Variants in FOXP1 observed in about 807,000 individuals in gnomAD.
The protein encoded by FOXP1 is forkhead box protein P1.
FOXP1 carries 15 observed loss-of-function variants against 98.2 expected under a neutral mutation model. The ratio of observed to expected loss-of-function variants is 0.15; its 90% CI spans 0.10 to 0.24. FOXP1 has a LOEUF of 0.24. Ranked by LOEUF, FOXP1 falls within the 10% of genes least tolerant of loss-of-function variation. The pLI is 1.00. For missense variants in FOXP1, 633 were observed against 848.5 expected, an observed-to-expected ratio of 0.75 and a Z score of 3.15; for synonymous variants, 371 against 314.5, an observed-to-expected ratio of 1.18 and a Z score of -1.90.
chr3:70,991,512 C>T (rs368700359), intron 13 of FOXP1, among the ~76,000 whole-genome samples: 29 of 152,248 alleles, frequency 1.9e-4, no homozygotes, highest in African/African-American at 4.8e-4. Context: ...AAAGGGAACA[C>T]GGTTTGGGGT....
At chr3:71,163,856 C>T (rs2108161819) in intron 6 of FOXP1, among the ~76,000 whole-genome samples, 1 of 136,210 alleles carries the variant, frequency 7.3e-6, no homozygotes, top group East Asian at 2.7e-4. Flanking sequence ...CATGCACTTG[C>T]CCCCTTTTAA....
chr3:71,105,948 A>G (rs1164850425), intron 7 of FOXP1, among the ~76,000 whole-genome samples: 1 of 152,156 alleles, frequency 6.6e-6, no homozygotes, highest in African/African-American at 2.4e-5. Context: ...TTATTTATGG[A>G]AAATATGACA....
intron 3 of FOXP1, among the ~76,000 whole-genome samples, chr3:71,488,261 G>T (rs1050950778): frequency 6.6e-6 from 1 of 152,034 alleles, no homozygotes; most frequent in Admixed American, 6.6e-5. Context: ...TCTTCTAATT[G>T]GAATTTAATC....
At chr3:71,293,352 A>G (rs2072956030) in intron 5 of FOXP1, among the ~76,000 whole-genome samples, 2 of 152,158 alleles carry the variant, frequency 1.3e-5, no homozygotes, top group Non-Finnish European at 2.9e-5. Context: ...CTATAGTCCA[A>G]GCTATTCAGG....
chr3:71,281,451 G>A (rs1250009458), intron 5 of FOXP1, among the ~76,000 whole-genome samples: 2 of 152,142 alleles, frequency 1.3e-5, no homozygotes, highest in South Asian at 4.1e-4. Flanking sequence ...CCCGCTTCAT[G>A]TTCTTCCAAA....
intron 4 of FOXP1, chr3:71,304,655 C>G (rs1270109114): frequency 6.6e-6 from 1 of 152,060 alleles, no homozygotes; most frequent in Non-Finnish European, 1.5e-5. Context: ...CCTTAAAAAC[C>G]AAGTATAAAA....
At chr3:71,465,825 C>T (rs544555018) in intron 3 of FOXP1, among the ~76,000 whole-genome samples, 152 of 152,292 alleles carry the variant, frequency 1.0e-3, no homozygotes, top group Admixed American at 3.0e-3. Context: ...GCCTGAGCTC[C>T]GCCTCCTGTC....
chr3:71,420,863 T>C (rs1410342120), intron 3 of FOXP1, among the ~76,000 whole-genome samples: 2 of 152,090 alleles, frequency 1.3e-5, no homozygotes, highest in Admixed American at 6.6e-5. Flanking sequence ...CCTGCCACCA[T>C]GCCCGGCTAA....
At chr3:71,577,154 C>T (rs2047785684) in intron 2 of FOXP1, among the ~76,000 whole-genome samples, 1 of 152,182 alleles carries the variant, frequency 6.6e-6, no homozygotes, top group Non-Finnish European at 1.5e-5. Context: ...TTAGCACAAA[C>T]TGACTGTAAT....
intron 4 of FOXP1, chr3:71,329,864 G>T (rs2076193213): frequency 6.6e-6 from 1 of 152,128 alleles, no homozygotes; most frequent in African/African-American, 2.4e-5. Context: ...AGAATAAGAT[G>T]ATTTTTATTA....
intron 6 of FOXP1, among the ~76,000 whole-genome samples, chr3:71,162,467 A>G (rs947421968): frequency 2.0e-5 from 3 of 152,246 alleles, no homozygotes; most frequent in Non-Finnish European, 2.9e-5. Context: ...AGTACCATTA[A>G]GACATCCAAT....
At chr3:71,346,816 C>A (rs1408952606) in intron 4 of FOXP1, among the ~76,000 whole-genome samples, 1 of 151,962 alleles carries the variant, frequency 6.6e-6, no homozygotes, top group East Asian at 1.9e-4. Context: ...GAGGCCGAGG[C>A]GGGTGGATCA....
intron 2 of FOXP1, among the ~76,000 whole-genome samples, chr3:71,578,352 G>A (rs933003891): frequency 2.6e-5 from 4 of 152,094 alleles, no homozygotes; most frequent in African/African-American, 9.7e-5. Context: ...ACTATGTTCT[G>A]ACAGCCTGCA....
intron 6 of FOXP1, among the ~76,000 whole-genome samples, chr3:71,152,519 G>A (rs2060619852): frequency 6.6e-6 from 1 of 152,050 alleles, no homozygotes; most frequent in Non-Finnish European, 1.5e-5. Context: ...CCCAGAGGTG[G>A]GCTGAGCCCC....
chr3:71,252,408 A>C (rs2068271986), intron 5 of FOXP1, among the ~76,000 whole-genome samples: 1 of 152,210 alleles, frequency 6.6e-6, no homozygotes, highest in South Asian at 2.1e-4. Context: ...ATGCTAATTG[A>C]TATATCCCAA....
At chr3:71,529,253 C>G (rs1258499014) in intron 2 of FOXP1, among the ~76,000 whole-genome samples, 2 of 152,194 alleles carry the variant, frequency 1.3e-5, no homozygotes, top group Admixed American at 6.5e-5. Context: ...TTAGCCACAA[C>G]AATATTCTCT....
At chr3:71,048,684 G>A (rs925079616) in intron 9 of FOXP1, among the ~76,000 whole-genome samples, 4 of 151,682 alleles carry the variant, frequency 2.6e-5, no homozygotes, top group Non-Finnish European at 5.9e-5. Flanking sequence ...ATGTCAAAAC[G>A]ATTTTTTCAC....
chr3:71,446,048 AGTG>A (rs1473411800), intron 3 of FOXP1, among the ~76,000 whole-genome samples: 1 of 80,062 alleles, frequency 1.2e-5, no homozygotes, highest in Admixed American at 1.2e-4. Context: ...TGAGTGAGTG[AGTG>A]AGTGAGTGAG....
At chr3:71,423,857 T>C (rs1449358049) in intron 3 of FOXP1, among the ~76,000 whole-genome samples, 3 of 152,268 alleles carry the variant, frequency 2.0e-5, no homozygotes, top group Non-Finnish European at 4.4e-5. Flanking sequence ...AATCAGCTTG[T>C]CTTAGGTCAC....
Sources: allele counts gnomAD v4.1 joint callset (sites outside exome capture counted in the v4.1 genomes callset), GRCh38; gene constraint gnomAD v4.1.1; transcripts MANE v1.5; gene names NCBI Gene and HGNC (gene_info 2026-07-23, HGNC 2026-07-21).